COCH: variants seen among roughly 807,000 people sequenced by gnomAD.
COCH encodes cochlin.
A neutral mutation model predicts 54.8 loss-of-function variants in COCH; 40 were observed. The observed-to-expected ratio is 0.73, with a 90% CI of 0.57 to 0.95. COCH has a LOEUF of 0.95. COCH is among the 40% of genes least tolerant of loss of function. COCH has a pLI of 0.00. For missense variants in COCH, 605 were observed against 675.0 expected, an observed-to-expected ratio of 0.90 and a Z score of 1.15; for synonymous variants, 256 against 237.9, an observed-to-expected ratio of 1.08 and a Z score of -0.70.
At chr14:30,885,758 G>T (rs760438334) in intron 10 of COCH, 38 bp from the exon 11 acceptor site, 5 of 1,611,608 alleles carry the variant, frequency 3.1e-6, no homozygotes, top group South Asian at 1.1e-5. Flanking sequence ...AACAACTTTT[G>T]ATCCTTTTGG....
intron 11 of COCH, among the ~76,000 whole-genome samples, chr14:30,888,624 A>C (rs1358915487): frequency 6.6e-6 from 1 of 151,938 alleles, no homozygotes; most frequent in Non-Finnish European, 1.5e-5. Context: ...CCATCTCTAC[A>C]AAGAAATTTA....
intron 9 of COCH, 76 bp downstream of exon 9, chr14:30,884,732 C>A: frequency 1.5e-6 from 2 of 1,328,376 alleles, no homozygotes; most frequent in African/African-American, 1.5e-5. Context: ...CAGTATTATG[C>A]TATTTTATAT....
Position 30,889,908 on chromosome 14 carries a change from G to A in COCH, c.*117G>A. 6.9e-7 allele frequency: 1 copy of A among 1,443,842 alleles called. No homozygotes were observed. The highest frequency in any genetic ancestry group is 9.1e-7 in the Non-Finnish European group (1 of 1,099,564). 89.4% of individuals were successfully genotyped at this position (1,443,842 alleles called of 1,614,324 possible). On this transcript the variant is annotated 3_prime_UTR_variant, in exon 12 of 12. Coordinates refer to ENST00000396618, the MANE Select transcript of COCH (RefSeq NM_004086.3). ...AATCAGATACAAAACTATTAAGTAT[G>A]TCAACAGCCATTTAGGCAAATAAGC...
chr14:30,891,276 T>C (rs189258815), downstream of COCH, among the ~76,000 whole-genome samples: 1 of 152,272 alleles, frequency 6.6e-6, no homozygotes, highest in African/African-American at 2.4e-5. Context: ...CCAAGGCCTC[T>C]CCCAAAAGAC....
chr14:30,885,969 T>C lies in COCH; in HGVS notation c.1134T>C (p.Val378=). The C allele has an allele frequency of 4.3e-6, 7 of 1,614,210 alleles. No homozygotes were observed. The highest frequency in any genetic ancestry group is 2.5e-6 in the Non-Finnish European group (3 of 1,180,032). ...IAFLIDGSSS[V]GDSNFRLMLE... The stretch of plus-strand genomic sequence containing the variant: ...TTCTAATTGATGGCTCCAGCAGTGT[T>C]GGAGATAGCAATTTCCGCCTCATGC... Residue 378 remains valine, a synonymous_variant, in exon 11 of 12, where the codon GTT becomes GTC. Transcript: ENST00000396618.
downstream of COCH, chr14:30,895,053 CAAAAAAAAAAAAAAAA>C (rs35858438): frequency 8.3e-4 from 22 of 26,568 alleles, no homozygotes; most frequent in Middle Eastern, 0.01. Context: ...ACACAGAGTC[CAAAAAAAAAAAAAAAA>C]AAAAAAAAAA....
chr14:30,877,708 ATG>A lies in COCH; in HGVS notation c.222_223del (p.Cys74TrpfsTer20). 1 of 1,614,214 alleles carries A rather than the reference ATG, an allele frequency of 6.2e-7. No homozygotes were observed. Among genetic ancestry groups the A allele is most frequent in the Non-Finnish European group, 8.5e-7 (1 of 1,180,040 alleles). ...TAGTATATGCTTCTGTATCGAGCAT[ATG>A]TGGGGCTGCTGTCCACAGGTAAGCC... ...NIVYASVSSI[C>X]GAAVHRGVIS... is the part of the protein sequence containing the mutation. On this transcript the variant is annotated frameshift_variant, in exon 4 of 12. Transcript: ENST00000396618. LOFTEE classifies it high-confidence loss of function. This position sits in a 1 kb window ranked among gnomAD's most constrained non-coding sequence, Gnocchi z 8.6.
At chr14:30,882,329 C>T (rs965226152) in intron 8 of COCH, among the ~76,000 whole-genome samples, 1 of 151,680 alleles carries the variant, frequency 6.6e-6, no homozygotes, top group African/African-American at 2.4e-5. Context: ...AAGGTTTCAC[C>T]ATGTTGGCCA....
chr14:30,891,044 TA>T (rs11346535), downstream of COCH, among the ~76,000 whole-genome samples: 149,813 of 150,740 alleles, frequency 0.99, 74,449 homozygotes, highest in Non-Finnish European at 1. Flanking sequence ...ATCTCCAAAA[TA>T]AAAAAAAAAA....
downstream of COCH, among the ~76,000 whole-genome samples, chr14:30,892,487 A>G (rs374994816): frequency 1.3e-5 from 2 of 152,152 alleles, no homozygotes; most frequent in Non-Finnish European, 2.9e-5. Context: ...TCAGTTCAGA[A>G]AAACAAAAAA....
chr14:30,891,206 T>C (rs1895973806), downstream of COCH, among the ~76,000 whole-genome samples: 1 of 152,196 alleles, frequency 6.6e-6, no homozygotes, highest in African/African-American at 2.4e-5. Context: ...GCTTGTGAAG[T>C]TGGTTCCTAT....
intron 4 of COCH, among the ~76,000 whole-genome samples, 161 bp from the exon 5 acceptor site, chr14:30,878,650 C>A (rs1895458741): frequency 6.6e-6 from 1 of 152,086 alleles, no homozygotes; most frequent in Non-Finnish European, 1.5e-5. Flanking sequence ...GAGCGAGACG[C>A]CATCAAATAA....
chr14:30,880,353 C>G, intron 6 of COCH, 99 bp from the exon 7 acceptor site: 1 of 1,540,242 alleles, frequency 6.5e-7, no homozygotes, highest in Non-Finnish European at 8.8e-7. Context: ...AAAGTCCTTT[C>G]AAGAATGGCA....
At chr14:30,888,131 ATTTTTT>A (rs67814031) in intron 11 of COCH, among the ~76,000 whole-genome samples, 1 of 148,492 alleles carries the variant, frequency 6.7e-6, no homozygotes, top group Non-Finnish European at 1.5e-5. Flanking sequence ...TGGTGTGATT[ATTTTTT>A]TTTTTAACTG....
chr14:30,881,294 T>C (rs1360854338), intron 8 of COCH, among the ~76,000 whole-genome samples: 2 of 152,162 alleles, frequency 1.3e-5, no homozygotes, highest in African/African-American at 4.8e-5. Flanking sequence ...TCAGTTCTTT[T>C]AGTGGGTACA....
In COCH at chr14:30,890,167, A is replaced by G. The variant is rs979282049; in HGVS notation, c.*376A>G. On this transcript the variant is annotated 3_prime_UTR_variant, in exon 12 of 12. Coordinates refer to ENST00000396618, the MANE Select transcript of COCH (RefSeq NM_004086.3). ...AACATTCGTTCTCTAACCATTCTGTATTGATTATATAAGCAAAATGAAAAG... is the reference window on the plus strand; with the variant it reads ...AACATTCGTTCTCTAACCATTCTGTGTTGATTATATAAGCAAAATGAAAAG... The G allele has an allele frequency of 2.0e-6, 2 of 996,958 alleles. No homozygotes were observed. The highest frequency in any genetic ancestry group is 1.1e-4 in the Admixed American group (2 of 18,090). 61.8% of individuals were successfully genotyped at this position (996,958 alleles called of 1,614,324 possible). A position where few individuals can be genotyped will look rare whatever the true frequency, so the allele number is the denominator to read the frequency against.
At chr14:30,885,214 T>G (rs1345691334) in intron 9 of COCH, 180 bp from the exon 10 acceptor site, 2 of 994,542 alleles carry the variant, frequency 2.0e-6, no homozygotes, top group Non-Finnish European at 1.5e-6. Flanking sequence ...ATAATTAAAC[T>G]TTCCCAGCTG....
chr14:30,875,006 G>A (rs777861034), intron 2 of COCH, 34 bp downstream of exon 2: 3 of 1,612,960 alleles, frequency 1.9e-6, no homozygotes, highest in Admixed American at 3.3e-5. Context: ...CCGGCCCCTT[G>A]CTCCGCTGGG....
intron 3 of COCH, 124 bp downstream of exon 3, chr14:30,875,227 T>C (rs1243195491): frequency 4.5e-6 from 6 of 1,343,864 alleles, no homozygotes; most frequent in Middle Eastern, 2.6e-4. Flanking sequence ...GGCGCGAAGG[T>C]TGAGCCGCCG....
Sources: gnomAD v4.1 joint callset for allele counts (sites outside exome capture counted in the v4.1 genomes callset) on GRCh38, gnomAD v4.1.1 for gene constraint, Gnocchi (gnomAD v3.1) non-coding constraint, MANE v1.5 for transcripts, NCBI Gene and HGNC (gene_info 2026-07-23, HGNC 2026-07-21) for gene names.